Variants in FAH observed in about 807,000 individuals in gnomAD.
FAH encodes the protein fumarylacetoacetate hydrolase.
A neutral mutation model predicts 55.8 loss-of-function variants in FAH; 47 were observed. The observed-to-expected ratio is 0.84, with a 90% CI of 0.67 to 1.07. The LOEUF is 1.07. FAH is among the 50% of genes least tolerant of loss of function. The pLI, the probability that FAH is intolerant of heterozygous loss-of-function variation, is 0.00. For missense variants in FAH, 495 were observed against 545.9 expected (o/e 0.91, Z 0.93); for synonymous variants, 199 against 207.7 (o/e 0.96, Z 0.36).
chr15:80,175,345 G>A (rs986259905), intron 10 of FAH, among the ~76,000 whole-genome samples: 20 of 151,990 alleles, frequency 1.3e-4, no homozygotes, highest in East Asian at 5.8e-4. Context: ...GATGGAGTCC[G>A]GGACTTCCAT....
chr15:80,160,373 C>T, intron 3 of FAH, 37 bp from the exon 4 acceptor site: 1 of 1,611,142 alleles, frequency 6.2e-7, no homozygotes, highest in East Asian at 2.2e-5. Context: ...CGCTTTGCTG[C>T]CTACTTGACT....
chr15:80,178,587 A>ATT (rs143350647), intron 11 of FAH, among the ~76,000 whole-genome samples: 15,070 of 143,440 alleles, frequency 0.11, 1,103 homozygotes, highest in Non-Finnish European at 0.16. Flanking sequence ...AACTGACTTA[A>ATT]TTTTTTTTTT....
At chr15:80,168,643 C>T (rs2041216222) in intron 7 of FAH, among the ~76,000 whole-genome samples, 1 of 152,258 alleles carries the variant, frequency 6.6e-6, no homozygotes, top group South Asian at 2.1e-4. Flanking sequence ...TGAGGCTGGA[C>T]AAGGTGTTAC....
chr15:80,159,812 G>A lies in FAH; in HGVS notation c.249G>A (p.Val83=), dbSNP rs370095143. The part of the protein sequence containing the change: ...LGQAAWKEAR[V]FLQNLLSVSQ... ...AGGCTGCCTGGAAGGAGGCGAGAGT[G>A]TTCTTGCAGAACTTGCTGTCTGTGA... The change falls in exon 3 of 14, where the codon GTG becomes GTA. Residue 83 remains valine (V), a synonymous_variant. Transcript: ENST00000561421. 9.5e-5 allele frequency: 153 copies of A among 1,614,246 alleles called. 2 individuals are homozygous for A. In the South Asian group the frequency reaches 1.5e-3, roughly 16 times the overall value.
intron 9 of FAH, chr15:80,173,584 G>A (rs532305556): frequency 2.6e-5 from 9 of 341,380 alleles, no homozygotes; most frequent in Admixed American, 1.2e-4. Context: ...TCCCGGCACC[G>A]CTTGGTCTAC....
chr15:80,174,061 A>G (rs191146516), intron 9 of FAH, among the ~76,000 whole-genome samples: 5 of 152,260 alleles, frequency 3.3e-5, no homozygotes, highest in Admixed American at 3.3e-4. Context: ...AGCCAGTTCT[A>G]GTGAAGTCCT....
chr15:80,178,878 G>A (rs2041306778), intron 11 of FAH, among the ~76,000 whole-genome samples: 1 of 152,172 alleles, frequency 6.6e-6, no homozygotes, highest in Non-Finnish European at 1.5e-5. Flanking sequence ...ATGAGCCACT[G>A]CGCCCGGCCA....
At chr15:80,179,094 A>C (rs939555611) in intron 11 of FAH, among the ~76,000 whole-genome samples, 7 of 152,128 alleles carry the variant, frequency 4.6e-5, no homozygotes, top group Non-Finnish European at 5.9e-5. Flanking sequence ...GGTACTTCCA[A>C]ACAGTTTTTT....
At chr15:80,172,335 C>CAGGTCAAAAG in intron 8 of FAH, 87 bp downstream of exon 8, 1 of 1,009,756 alleles carries the variant, frequency 9.9e-7, no homozygotes, top group Non-Finnish European at 1.6e-6. Context: ...AGATCTGGTG[C>CAGGTCAAAAG]AGGTCAAAAG....
chr15:80,176,847 A>G (rs879013495), intron 10 of FAH, among the ~76,000 whole-genome samples: 42 of 152,126 alleles, frequency 2.8e-4, no homozygotes, highest in Admixed American at 2.4e-3. Context: ...TGATGTTCTG[A>G]GTTGGGATCT....
intron 7 of FAH, among the ~76,000 whole-genome samples, chr15:80,168,735 T>A (rs190109492): frequency 6.6e-6 from 1 of 152,308 alleles, no homozygotes; most frequent in Non-Finnish European, 1.5e-5. Context: ...AGATCTGTGC[T>A]TTTTTGGCTG....
At chr15:80,158,230 A>G (rs2041116716) in intron 2 of FAH, 60 bp downstream of exon 2, 1 of 1,126,530 alleles carries the variant, frequency 8.9e-7, no homozygotes, top group Non-Finnish European at 1.4e-6. Context: ...GGATGCCAAC[A>G]AGAGAATGCT....
intron 1 of FAH, chr15:80,155,828 A>G (rs747708396): frequency 2.2e-6 from 1 of 454,304 alleles, no homozygotes; most frequent in South Asian, 1.6e-5. Flanking sequence ...CAGAGAGGGA[A>G]GGCAGCATAA....
chr15:80,174,841 C>T (rs1420038442), intron 9 of FAH, among the ~76,000 whole-genome samples, 175 bp from the exon 10 acceptor site: 1 of 152,158 alleles, frequency 6.6e-6, no homozygotes, highest in East Asian at 1.9e-4. Flanking sequence ...GTATGATCCC[C>T]CCTACTGCTA....
chr15:80,182,121 C>T (rs971573756), intron 13 of FAH, among the ~76,000 whole-genome samples: 6 of 152,156 alleles, frequency 3.9e-5, no homozygotes, highest in African/African-American at 1.4e-4. Context: ...GTGGAAGCCT[C>T]TTTGTCTTGT....
At chr15:80,168,831 A>G (rs1207997994) in intron 7 of FAH, among the ~76,000 whole-genome samples, 3 of 152,186 alleles carry the variant, frequency 2.0e-5, no homozygotes, top group African/African-American at 7.2e-5. Context: ...GACGTGCCTT[A>G]TGGAGAGAAT....
At chr15:80,153,181 T>G (rs1186087842) in intron 1 of FAH, 46 bp downstream of exon 1, 253 of 955,790 alleles carry the variant, frequency 2.6e-4, no homozygotes, top group Non-Finnish European at 3.7e-4. Flanking sequence ...GGGAGTGGAG[T>G]GGAGTGGAGT....
At chr15:80,168,605 T>G (rs895176173) in intron 7 of FAH, among the ~76,000 whole-genome samples, 3 of 152,268 alleles carry the variant, frequency 2.0e-5, no homozygotes, top group Non-Finnish European at 4.4e-5. Context: ...GTGAAACATT[T>G]GAGCTGCCTG....
intron 7 of FAH, 45 bp downstream of exon 7, chr15:80,168,361 C>G (rs761271992): frequency 6.2e-7 from 1 of 1,600,508 alleles, no homozygotes; most frequent in Non-Finnish European, 8.5e-7. Flanking sequence ...TATAGACACC[C>G]GGCAGGAGAG....
Sources: gnomAD v4.1 joint callset for allele counts (sites outside exome capture counted in the v4.1 genomes callset) on GRCh38, gnomAD v4.1.1 for gene constraint, MANE v1.5 for transcripts, NCBI Gene and HGNC (gene_info 2026-07-23, HGNC 2026-07-21) for gene names.